PTGIR: variants seen among roughly 807,000 people sequenced by gnomAD.
PTGIR encodes the protein prostacyclin receptor.
A neutral mutation model predicts 17.6 loss-of-function variants in PTGIR; 16 were observed. That is an observed-to-expected ratio of 0.91 (90% confidence interval 0.61 to 1.38). PTGIR has a LOEUF of 1.38. Ranked by LOEUF, PTGIR falls within the 40% of genes most tolerant of loss-of-function variation. The pLI, the probability that PTGIR is intolerant of heterozygous loss-of-function variation, is 0.00. For synonymous variants in PTGIR, 274 were observed against 255.4 expected (o/e 1.07, Z -0.69); for missense variants, 532 against 548.6 (o/e 0.97, Z 0.30).
chr19:46,614,441 G>A, the PTGIR span: 1 of 985,052 alleles, frequency 1.0e-6, no homozygotes, highest in Non-Finnish European at 1.2e-6. Flanking sequence ...TGAATAAAAA[G>A]AAAGAAATCG....
Position 46,620,482 on chromosome 19 carries a change from G to A in PTGIR, c.*798C>T. The A allele has an allele frequency of 1.4e-5, 14 of 985,432 alleles. No homozygotes were observed. The South Asian group carries it at 5.2e-4, about 36-fold the overall frequency. The allele number at this position is 985,432 out of a possible 1,614,324, so 61.0% of individuals were successfully genotyped here. On this transcript the variant is annotated 3_prime_UTR_variant, in exon 3 of 3. Transcript: ENST00000291294. ...ATAACATGAGGTCAGGCTCTGCAAG[G>A]AGGCTTTTATTTATTCAGGACCCTG... is the stretch of plus-strand genomic sequence containing the variant.
Position 46,621,301 on chromosome 19 carries a change from G to A in PTGIR, c.1140C>T (p.Ser380=), listed in dbSNP as rs201752514. ...AATGTCAGCAGAGGGAGCAGGCGAC[G>A]CTGGCTTCTGCTTTGGACGACGTTC... ...AVGTSSKAEA[S]VACSLC Residue 380 remains serine, a synonymous_variant, in exon 3 of 3, where the codon AGC becomes AGT. Transcript: ENST00000291294. The surrounding 1 kb of genome is among the most constrained non-coding windows in gnomAD (Gnocchi z 4.8). 2.2e-5 allele frequency: 34 copies of A among 1,514,436 alleles called. No individual in the cohort carries two copies. In the East Asian group the frequency reaches 2.7e-4, roughly 12 times the overall value. 93.8% of individuals were successfully genotyped at this position (1,514,436 alleles called of 1,614,324 possible).
chr19:46,623,475 A>G lies in PTGIR; in HGVS notation c.751T>C (p.Cys251Arg), dbSNP rs1284885315. ...GGACTCACCGTGAGAGGCAGGGAGCACACGGCCATGACCACTGTCATGAGG... is the reference window on the plus strand; with the variant it reads ...GGACTCACCGTGAGAGGCAGGGAGCGCACGGCCATGACCACTGTCATGAGG... ...LALMTVVMAV[C>R]SLPLTIRCFT... Residue 251 changes from cysteine (C) to arginine (R), a missense_variant, in exon 2 of 3, where the codon TGC becomes CGC. Coordinates refer to ENST00000291294, the MANE Select transcript of PTGIR (RefSeq NM_000960.4). The G allele has an allele frequency of 6.4e-7, 1 of 1,569,598 alleles. No individual in the cohort carries two copies. The highest frequency in any genetic ancestry group is 8.7e-7 in the Non-Finnish European group (1 of 1,155,192).
At chr19:46,620,303 T>C (rs1246339336), downstream of PTGIR, among the ~76,000 whole-genome samples, 1 of 152,110 alleles carries the variant, frequency 6.6e-6, no homozygotes, top group Non-Finnish European at 1.5e-5. Flanking sequence ...GTTCTCGATA[T>C]ATTGCCCGAG....
Position 46,624,152 on chromosome 19 carries a change from A to G in PTGIR, c.74T>C (p.Val25Ala). ...VGPATSTLMFVAGVVGNGLAL... is the reference protein window; with the variant it reads ...VGPATSTLMFAAGVVGNGLAL... ...CAGCCCGTTGCCCACCACACCGGCC[A>G]CGAACATCAGGGTGCTGGTGGCCGG... Residue 25 changes from valine to alanine, a missense_variant, in exon 2 of 3, where the codon GTG becomes GCG. Transcript: ENST00000291294. 6.6e-7 allele frequency: 1 copy of G among 1,524,288 alleles called. No homozygotes were observed. Among genetic ancestry groups the G allele is most frequent in the Non-Finnish European group, 8.7e-7 (1 of 1,143,260 alleles). 94.4% of individuals were successfully genotyped at this position (1,524,288 alleles called of 1,614,324 possible). A position where few individuals can be genotyped will look rare whatever the true frequency, so the allele number is the denominator to read the frequency against.
In PTGIR at chr19:46,623,756, C is replaced by G; in HGVS notation, c.470G>C (p.Gly157Ala). ...CVLFCALPLL[G>A]LGQHQQYCPG... Reference sequence around the variant, plus strand: ...GCAGTACTGCTGGTGTTGGCCCAGGCCCAGCAGGGGCAGCGCGCAGAAGAG... The same window carrying G: ...GCAGTACTGCTGGTGTTGGCCCAGGGCCAGCAGGGGCAGCGCGCAGAAGAG... The change falls in exon 2 of 3, where the codon GGC (glycine) becomes GCC (alanine). Residue 157 changes from glycine (G) to alanine (A), a missense_variant. By Grantham distance (60) the Gly-to-Ala change is moderately conservative. Transcript: ENST00000291294. The G allele has an allele frequency of 6.2e-7, 1 of 1,601,398 alleles. No homozygotes were observed. The highest frequency in any genetic ancestry group is 1.1e-5 in the South Asian group (1 of 90,226).
the PTGIR span, among the ~76,000 whole-genome samples, chr19:46,612,158 G>T: frequency 6.6e-6 from 1 of 152,242 alleles, no homozygotes; most frequent in Non-Finnish European, 1.5e-5. Context: ...AAAGACGGTA[G>T]AGTATAGTGG....
downstream of PTGIR, among the ~76,000 whole-genome samples, chr19:46,619,728 C>T (rs1471992580): frequency 2.0e-5 from 3 of 152,068 alleles, no homozygotes; most frequent in African/African-American, 7.2e-5. Flanking sequence ...GCTGCCTACC[C>T]CTCGAAGAGT....
chr19:46,621,378 C>G lies in PTGIR; in HGVS notation c.1063G>C (p.Gly355Arg). ...GTGGGAGGCAAGGGCTCCACCTGCC[C>G]CTCGCCCCAAGCCGACAAAGGCACG... ...SCVPLSAWGE[G>R]QVEPLPPTQQ... Residue 355 changes from glycine to arginine, a missense_variant, in exon 3 of 3, where the codon GGG (glycine) becomes CGG (arginine). Coordinates refer to ENST00000291294, the MANE Select transcript of PTGIR (RefSeq NM_000960.4). This position sits in a 1 kb window ranked among gnomAD's most constrained non-coding sequence, Gnocchi z 4.8. 2.5e-6 allele frequency: 4 copies of G among 1,580,588 alleles called. No homozygotes were observed. The highest frequency in any genetic ancestry group is 3.4e-6 in the Non-Finnish European group (4 of 1,161,134).
At chr19:46,619,373 T>C (rs905343016), downstream of PTGIR, among the ~76,000 whole-genome samples, 6 of 151,778 alleles carry the variant, frequency 4.0e-5, 1 homozygote, top group Admixed American at 6.6e-5. Flanking sequence ...TGCACGCCTG[T>C]AATCCCAGCT....
rs35431373 is a variant in PTGIR at position 46,623,844 on chromosome 19, C to T, written c.382G>A (p.Ala128Thr). The stretch of plus-strand genomic sequence containing the variant: ...GCGCAGCGGGGCCCGTCCAGCTGCG[C>T]GTAGAGGTAGGGGTGGCTCAGCGCC... ...CLALSHPYLYAQLDGPRCARL... is the reference protein window; with the variant it reads ...CLALSHPYLYTQLDGPRCARL... The change falls in exon 2 of 3, where the codon GCG becomes ACG. Residue 128 changes from alanine (A) to threonine (T), a missense_variant. Ala to Thr is a moderately conservative substitution (Grantham distance 58). Transcript: ENST00000291294. 3.7e-5 allele frequency: 60 copies of T among 1,608,916 alleles called. No individual in the cohort carries two copies. In the East Asian group the frequency reaches 4.7e-4, roughly 13 times the overall value.
At chr19:46,612,195 C>T in the PTGIR span, among the ~76,000 whole-genome samples, 4 of 152,228 alleles carry the variant, frequency 2.6e-5, no homozygotes, top group African/African-American at 9.6e-5. Context: ...GCAAAAGCAC[C>T]TGCCTTAGCA....
At chr19:46,611,778 T>C in the PTGIR span, among the ~76,000 whole-genome samples, 1 of 152,226 alleles carries the variant, frequency 6.6e-6, no homozygotes, top group Non-Finnish European at 1.5e-5. Flanking sequence ...GTCAGAATCC[T>C]CAAGGGCTCT....
At chr19:46,615,970 T>C (rs75660000), downstream of PTGIR, among the ~76,000 whole-genome samples, 25,437 of 151,860 alleles carry the variant, frequency 0.17, 2,561 homozygotes, top group Non-Finnish European at 0.23. Context: ...CCCAGCTAAT[T>C]TTTGTATTTT....
At chr19:46,624,408 ATC>A in intron 1 of PTGIR, 171 bp from the exon 2 acceptor site, 3 of 496,506 alleles carry the variant, frequency 6.0e-6, no homozygotes, top group Non-Finnish European at 6.9e-6. Context: ...CTTCTCCAGT[ATC>A]TCTCTCTGTC....
At chr19:46,623,349 C>T (rs750607678) in intron 2 of PTGIR, 109 bp downstream of exon 2, 10 of 1,308,294 alleles carry the variant, frequency 7.6e-6, no homozygotes, top group Non-Finnish European at 9.1e-6. Flanking sequence ...ACCATGCCCA[C>T]GATGTCTCAC....
At position 46,623,919 on chromosome 19, in the gene PTGIR, C is replaced by T. The variant is rs561437672; in HGVS notation, c.307G>A (p.Gly103Ser). The stretch of plus-strand genomic sequence containing the variant: ...AAGAGGATGAGCATGGACGCCAGGC[C>T]GAAGAAGGTCATGGCGAAGGCGAAG... ...DAFAFAMTFFGLASMLILFAM... is the reference protein window; with the variant it reads ...DAFAFAMTFFSLASMLILFAM... Residue 103 changes from glycine to serine, a missense_variant, in exon 2 of 3, where the codon GGC (glycine) becomes AGC (serine). Physicochemically the swap from Gly to Ser is moderately conservative, Grantham distance 56. Coordinates refer to ENST00000291294, the MANE Select transcript of PTGIR (RefSeq NM_000960.4). 1.7e-5 allele frequency: 27 copies of T among 1,604,644 alleles called. 1 individual carries two copies. Among genetic ancestry groups the T allele is most frequent in the African/African-American group, 4.0e-5 (3 of 74,816 alleles).
the PTGIR span, among the ~76,000 whole-genome samples, chr19:46,611,985 G>A: frequency 6.6e-6 from 1 of 152,338 alleles, no homozygotes; most frequent in Admixed American, 6.5e-5. Flanking sequence ...CCTCCTTGTG[G>A]CAGAGAGATC....
downstream of PTGIR, among the ~76,000 whole-genome samples, chr19:46,619,522 A>G (rs909871569): frequency 5.4e-4 from 27 of 50,332 alleles, no homozygotes; most frequent in African/African-American, 2.4e-3. Flanking sequence ...AGAAAGAAAG[A>G]AAGAAAGAAA....
Sources: allele counts gnomAD v4.1 joint callset (sites outside exome capture counted in the v4.1 genomes callset), GRCh38; gene constraint gnomAD v4.1.1; non-coding constraint Gnocchi (gnomAD v3.1); transcripts MANE v1.5; gene names NCBI Gene and HGNC (gene_info 2026-07-23, HGNC 2026-07-21).